CEP83: variants seen among roughly 807,000 people sequenced by gnomAD.
CEP83 encodes the protein centrosomal protein 83, also known as centrosomal protein of 83 kDa.
CEP83 carries 70 observed loss-of-function variants against 101.9 expected under a neutral mutation model. The observed-to-expected ratio is 0.69, with a 90% CI of 0.57 to 0.84. The LOEUF is 0.84. Ranked by LOEUF, CEP83 falls within the 40% of genes least tolerant of loss-of-function variation. The pLI is 0.00. For missense variants in CEP83, 715 were observed against 787.2 expected (o/e 0.91, Z 1.10); for synonymous variants, 264 against 267.9 (o/e 0.99, Z 0.14).
intron 6 of CEP83, among the ~76,000 whole-genome samples, chr12:94,391,736 C>T (rs1025690487): frequency 2.6e-5 from 4 of 152,004 alleles, no homozygotes; most frequent in African/African-American, 7.3e-5. Context: ...GGAGACCCAT[C>T]TCACGTGCAA....
chr12:94,282,072 C>T, the CEP83 span: 4 of 470,584 alleles, frequency 8.5e-6, no homozygotes, highest in South Asian at 9.3e-5. Flanking sequence ...AGTGGCTTTA[C>T]TTCCAGGCTT....
rs995878985 is a variant in CEP83, at chr12:94,404,520, A to G, written c.325-1258T>C. Among the ~76,000 whole-genome samples the G allele has an allele frequency of 2.6e-5, 4 of 152,296 alleles. No individual in the cohort carries two copies. The East Asian group carries it at 7.7e-4, about 29-fold the overall frequency. ...AGAAAATTTAAAATTGTGGGACCCT[A>G]TATGCACACTGGTAGAAATATCTAA... On this transcript the variant is annotated intron_variant, in intron 4 of 16. Transcript: ENST00000397809.
chr12:94,392,696 C>T (rs1327962508), intron 6 of CEP83, among the ~76,000 whole-genome samples: 2 of 152,130 alleles, frequency 1.3e-5, no homozygotes, highest in African/African-American at 4.8e-5. Context: ...ATCAATGAAT[C>T]CAGGAGCTGG....
chr12:94,321,424 T>G (rs2058739548), intron 14 of CEP83, among the ~76,000 whole-genome samples: 1 of 152,212 alleles, frequency 6.6e-6, no homozygotes, highest in African/African-American at 2.4e-5. Context: ...AGTGGCCATT[T>G]GACACTCCGA....
At chr12:94,282,193 C>G in the CEP83 span, 1 of 763,548 alleles carries the variant, frequency 1.3e-6, no homozygotes, top group East Asian at 2.5e-5. Context: ...CACCTTCAAA[C>G]AAAGATTTAC....
At chr12:94,416,576 A>C (rs56159802) in intron 2 of CEP83, among the ~76,000 whole-genome samples, 40,168 of 106,272 alleles carry the variant, frequency 0.38, 5,965 homozygotes, top group Non-Finnish European at 0.43. Flanking sequence ...ACACACACAA[A>C]AAAAAAAAAA....
intron 11 of CEP83, among the ~76,000 whole-genome samples, chr12:94,358,111 A>G (rs976737480): frequency 6.6e-6 from 1 of 152,224 alleles, no homozygotes; most frequent in Non-Finnish European, 1.5e-5. Context: ...TCAATTTAAC[A>G]TAGTTGAAGT....
chr12:94,403,402 C>T (rs1193046007), intron 4 of CEP83, 140 bp from the exon 5 acceptor site: 3 of 503,042 alleles, frequency 6.0e-6, no homozygotes, highest in South Asian at 3.2e-5. Flanking sequence ...GATCACTATA[C>T]AAATAGAATC....
chr12:94,373,289 T>C (rs2061384696), intron 8 of CEP83, among the ~76,000 whole-genome samples: 1 of 152,206 alleles, frequency 6.6e-6, no homozygotes, highest in African/African-American at 2.4e-5. Flanking sequence ...TTTGACACAA[T>C]GGAAGTATTC....
chr12:94,385,797 G>A (rs1437426766), intron 6 of CEP83, among the ~76,000 whole-genome samples: 1 of 152,130 alleles, frequency 6.6e-6, no homozygotes, highest in East Asian at 1.9e-4. Context: ...ACATAATGAA[G>A]TTTCAGTCAA....
chr12:94,321,746 G>C (rs1460324623), intron 14 of CEP83, among the ~76,000 whole-genome samples: 3 of 152,186 alleles, frequency 2.0e-5, no homozygotes, highest in Non-Finnish European at 4.4e-5. Context: ...AGACAGCAAA[G>C]ATGGCAACCC....
At chr12:94,446,950 G>A (rs1283578491) in intron 1 of CEP83, among the ~76,000 whole-genome samples, 3 of 151,960 alleles carry the variant, frequency 2.0e-5, no homozygotes, top group Non-Finnish European at 2.9e-5. Flanking sequence ...AGGAGCGAGA[G>A]AAAAATGACT....
intron 6 of CEP83, among the ~76,000 whole-genome samples, chr12:94,394,588 C>A (rs138822023): frequency 1.6e-4 from 24 of 152,246 alleles, no homozygotes; most frequent in Middle Eastern, 6.8e-3. Flanking sequence ...GACTAAAACA[C>A]CAAAAGCAAT....
the CEP83 span, among the ~76,000 whole-genome samples, chr12:94,274,073 C>A: frequency 1.4e-5 from 2 of 145,836 alleles, no homozygotes; most frequent in African/African-American, 5.2e-5. Flanking sequence ...GTAATCCCAG[C>A]ACTTTGGGAA....
At chr12:94,438,514 T>C (rs922157455) in intron 1 of CEP83, among the ~76,000 whole-genome samples, 4 of 152,086 alleles carry the variant, frequency 2.6e-5, no homozygotes, top group African/African-American at 9.7e-5. Flanking sequence ...CAAAAACATA[T>C]GCACCTAACA....
the CEP83 span, chr12:94,298,915 G>T: frequency 2.1e-6 from 2 of 950,000 alleles, no homozygotes; most frequent in Non-Finnish European, 1.5e-6. Context: ...CTTTGGGCTT[G>T]GTAAGCTATC....
At chr12:94,421,807 G>A (rs545679510) in intron 2 of CEP83, among the ~76,000 whole-genome samples, 18 of 152,296 alleles carry the variant, frequency 1.2e-4, no homozygotes, top group African/African-American at 3.6e-4. Flanking sequence ...ACATGTTACT[G>A]TACTAAATAT....
chr12:94,373,566 C>T (rs567283778), intron 8 of CEP83, among the ~76,000 whole-genome samples: 1 of 152,312 alleles, frequency 6.6e-6, no homozygotes, highest in Admixed American at 6.5e-5. Context: ...AAGGACAACT[C>T]TGTTGGGTGG....
At chr12:94,277,387 A>T in the CEP83 span, among the ~76,000 whole-genome samples, 3 of 152,180 alleles carry the variant, frequency 2.0e-5, no homozygotes, top group Non-Finnish European at 4.4e-5. Flanking sequence ...TAGCAGCATT[A>T]AAGACAAGAA....
Sources: gnomAD v4.1 joint callset for allele counts (sites outside exome capture counted in the v4.1 genomes callset) on GRCh38, gnomAD v4.1.1 for gene constraint, MANE v1.5 for transcripts, NCBI Gene and HGNC (gene_info 2026-07-23, HGNC 2026-07-21) for gene names.